Variants in MYO1D observed in about 807,000 individuals in gnomAD.
MYO1D encodes the protein unconventional myosin-Id.
Under a neutral mutation model 122.0 loss-of-function variants are expected in MYO1D, and 83 were observed. That is an observed-to-expected ratio of 0.68 (90% CI 0.57 to 0.82). The LOEUF (loss-of-function observed/expected upper bound fraction) is 0.82. Ranked by LOEUF, MYO1D falls within the 40% of genes least tolerant of loss-of-function variation. MYO1D has a pLI of 0.00. For synonymous variants in MYO1D, 464 were observed against 446.9 expected (o/e 1.04, Z -0.48); for missense variants, 1,157 against 1,269.5 (o/e 0.91, Z 1.35).
At chr17:32,542,554 G>A (rs1028626398) in intron 21 of MYO1D, among the ~76,000 whole-genome samples, 1 of 150,716 alleles carries the variant, frequency 6.6e-6, no homozygotes. Context: ...AAAGCAGTAT[G>A]CTGTTCACAC....
intron 1 of MYO1D, among the ~76,000 whole-genome samples, chr17:32,817,439 T>C (rs28590765): frequency 0.057 from 8,683 of 152,230 alleles, 407 homozygotes; most frequent in East Asian, 0.19. Flanking sequence ...TGCATATACA[T>C]TCTATGCCTT....
intron 21 of MYO1D, among the ~76,000 whole-genome samples, chr17:32,516,508 C>T (rs1909896135): frequency 6.6e-6 from 1 of 152,216 alleles, no homozygotes; most frequent in Admixed American, 6.5e-5. Context: ...TTCCTGCCTG[C>T]CATGAAGAGT....
At chr17:32,685,544 A>G (rs2088993368) in intron 16 of MYO1D, among the ~76,000 whole-genome samples, 1 of 152,226 alleles carries the variant, frequency 6.6e-6, no homozygotes, top group Non-Finnish European at 1.5e-5. Flanking sequence ...GGTAGCCTAA[A>G]GGAGTCCTGG....
At chr17:32,808,887 T>C (rs2090544337) in intron 1 of MYO1D, among the ~76,000 whole-genome samples, 1 of 152,218 alleles carries the variant, frequency 6.6e-6, no homozygotes, top group Non-Finnish European at 1.5e-5. Context: ...TACTTTATGA[T>C]ATTTTGTTAG....
At chr17:32,574,240 C>T (rs1430881525) in intron 21 of MYO1D, among the ~76,000 whole-genome samples, 3 of 151,746 alleles carry the variant, frequency 2.0e-5, no homozygotes, top group Non-Finnish European at 4.4e-5. Context: ...CCGTACTTTA[C>T]AGAAGCTTGT....
chr17:32,521,031 ATGTTTCCAT>A (rs1910119270), intron 21 of MYO1D, among the ~76,000 whole-genome samples: 1 of 152,210 alleles, frequency 6.6e-6, no homozygotes, highest in Non-Finnish European at 1.5e-5. Flanking sequence ...ATAACACACA[ATGTTTCCAT>A]TGGCTTACCC....
rs35514290 is a variant in MYO1D, at chr17:32,649,567, CTTTTTTTTT to C, written c.2595+4267_2595+4275del. On this transcript the variant is annotated intron_variant, in intron 19 of 21. Coordinates refer to ENST00000318217, the MANE Select transcript of MYO1D (RefSeq NM_015194.3). ...TGGCTAAACCACATTTTCTTTCTTT[CTTTTTTTTT>C]TTTTTTTTTTTTTGAGACAGAGTCT... Among the ~76,000 whole-genome samples, 7 of 94,048 alleles carry C rather than the reference CTTTTTTTTT, an allele frequency of 7.4e-5. 1 individual carries two copies. The highest frequency in any genetic ancestry group is 6.7e-4 in the South Asian group (2 of 3,006). The allele number at this position is 94,048 out of a possible 152,430, so 61.7% of individuals were successfully genotyped here.
intron 7 of MYO1D, among the ~76,000 whole-genome samples, chr17:32,765,694 A>G (rs9911932): frequency 0.04 from 6,009 of 152,114 alleles, 384 homozygotes; most frequent in African/African-American, 0.13. Context: ...TCCTGACCTC[A>G]TGATCCACCC....
chr17:32,822,929 T>C (rs1443934768), intron 1 of MYO1D, among the ~76,000 whole-genome samples: 1 of 152,048 alleles, frequency 6.6e-6, no homozygotes, highest in African/African-American at 2.4e-5. Context: ...CATGTATACA[T>C]ATGTAACAAA....
intron 21 of MYO1D, among the ~76,000 whole-genome samples, chr17:32,527,850 T>G (rs956056736): frequency 6.6e-6 from 1 of 151,784 alleles, no homozygotes; most frequent in Non-Finnish European, 1.5e-5. Context: ...TTTTTTTTTT[T>G]TTTTTTGAGG....
chr17:32,539,340 C>A (rs1269809555), intron 21 of MYO1D, among the ~76,000 whole-genome samples: 2 of 151,068 alleles, frequency 1.3e-5, no homozygotes, highest in Non-Finnish European at 2.9e-5. Flanking sequence ...AGCATGTTAT[C>A]TTTTCATTTA....
At position 32,856,780 on chromosome 17, in the gene MYO1D, C is replaced by T. The variant is rs1598159371; in HGVS notation, c.95+19998G>A. 2.0e-5 allele frequency among the ~76,000 whole-genome samples: 3 copies of T among 152,182 alleles called. No homozygotes were observed. In the East Asian group the frequency reaches 5.8e-4, roughly 29 times the overall value. On this transcript the variant is annotated intron_variant, in intron 1 of 21. Coordinates refer to ENST00000318217, the MANE Select transcript of MYO1D (RefSeq NM_015194.3). ...ATCTCTTTGAAGGTTCAATCCTTGGCCCTTTTCTCACATTTTATGCTCATT... is the reference window on the plus strand; with the variant it reads ...ATCTCTTTGAAGGTTCAATCCTTGGTCCTTTTCTCACATTTTATGCTCATT...
rs114959720 is a variant in MYO1D, at chr17:32,738,192, T to C, written c.1746+61A>G. 1,045 of 1,422,540 alleles carry C rather than the reference T, an allele frequency of 7.3e-4. 7 individuals carry two copies. In the African/African-American group the frequency reaches 0.012, roughly 17 times the overall value. The allele number at this position is 1,422,540 out of a possible 1,614,324, so 88.1% of individuals were successfully genotyped here. Reference sequence around the variant, plus strand: ...AAAAGCAAATCATACATACATTCTTTATAATACATCAAGAGGAAATCTATG... The same window carrying C: ...AAAAGCAAATCATACATACATTCTTCATAATACATCAAGAGGAAATCTATG... On this transcript the variant is annotated intron_variant, in intron 14 of 21. Transcript: ENST00000318217.
At chr17:32,496,565 C>A (rs1376642247) in intron 21 of MYO1D, among the ~76,000 whole-genome samples, 1 of 152,188 alleles carries the variant, frequency 6.6e-6, no homozygotes, top group Non-Finnish European at 1.5e-5. Flanking sequence ...CCCTTGGCGG[C>A]GGGGTCCAGG....
intron 21 of MYO1D, among the ~76,000 whole-genome samples, chr17:32,550,517 CT>C (rs2150883833): frequency 6.6e-6 from 1 of 152,278 alleles, no homozygotes; most frequent in Non-Finnish European, 1.5e-5. Flanking sequence ...TTTTCCACAG[CT>C]AATCACAGAG....
At chr17:32,859,150 T>C (rs1478340328) in intron 1 of MYO1D, among the ~76,000 whole-genome samples, 1 of 152,196 alleles carries the variant, frequency 6.6e-6, no homozygotes, top group Non-Finnish European at 1.5e-5. Flanking sequence ...TGGATATAGG[T>C]GCATACGCAT....
At chr17:32,714,242 C>T (rs905235357) in intron 15 of MYO1D, among the ~76,000 whole-genome samples, 2 of 151,302 alleles carry the variant, frequency 1.3e-5, no homozygotes, top group African/African-American at 4.9e-5. Flanking sequence ...CCCAACAGGC[C>T]CCAGTGTGTG....
intron 3 of MYO1D, among the ~76,000 whole-genome samples, chr17:32,778,155 C>T (rs368670736): frequency 6.6e-6 from 1 of 152,082 alleles, no homozygotes; most frequent in Non-Finnish European, 1.5e-5. Context: ...GCTCTGCTGA[C>T]CACATTTAAG....
intron 1 of MYO1D, among the ~76,000 whole-genome samples, chr17:32,801,704 T>C (rs2090462775): frequency 6.6e-6 from 1 of 152,168 alleles, no homozygotes; most frequent in Admixed American, 6.6e-5. Context: ...CACATGTATG[T>C]GTGTGTGTGC....
Sources: gnomAD v4.1 joint callset for allele counts (sites outside exome capture counted in the v4.1 genomes callset) on GRCh38, gnomAD v4.1.1 for gene constraint, MANE v1.5 for transcripts, NCBI Gene and HGNC (gene_info 2026-07-23, HGNC 2026-07-21) for gene names.